Variants in MAGI2 observed in about 807,000 individuals in gnomAD.
The protein encoded by MAGI2 is membrane-associated guanylate kinase, WW and PDZ domain-containing protein 2.
Under a neutral mutation model 133.3 loss-of-function variants are expected in MAGI2, and 35 were observed. That is an observed-to-expected ratio of 0.26 (90% CI 0.20 to 0.35). MAGI2 has a LOEUF of 0.35. Ranked by LOEUF, MAGI2 falls within the 10% of genes least tolerant of loss-of-function variation. The pLI, the probability that MAGI2 is intolerant of heterozygous loss-of-function variation, is 1.00. For missense variants in MAGI2, 1,636 were observed against 1,863.4 expected, an observed-to-expected ratio of 0.88 and a Z score of 2.25; for synonymous variants, 729 against 710.6, an observed-to-expected ratio of 1.03 and a Z score of -0.41.
chr7:78,601,757 T>A (rs926444965), intron 3 of MAGI2, among the ~76,000 whole-genome samples: 1 of 152,204 alleles, frequency 6.6e-6, no homozygotes, highest in Non-Finnish European at 1.5e-5. Flanking sequence ...ATGTAACTTA[T>A]GAGACATAGT....
At chr7:78,872,489 A>G (rs73143059) in intron 2 of MAGI2, among the ~76,000 whole-genome samples, 9,565 of 152,226 alleles carry the variant, frequency 0.063, 370 homozygotes, top group Middle Eastern at 0.1. Flanking sequence ...GTTAGTAATT[A>G]AAACATTCTT....
intron 16 of MAGI2, among the ~76,000 whole-genome samples, chr7:78,142,406 G>C (rs1366993630): frequency 6.6e-6 from 1 of 152,036 alleles, no homozygotes; most frequent in African/African-American, 2.4e-5. Flanking sequence ...GTGGGTGGTA[G>C]GAAAGGAGCC....
At chr7:79,030,777 G>A (rs542270737) in intron 1 of MAGI2, among the ~76,000 whole-genome samples, 1 of 152,158 alleles carries the variant, frequency 6.6e-6, no homozygotes, top group Non-Finnish European at 1.5e-5. Flanking sequence ...ATTATTCTTG[G>A]GATTAGAGTT....
At chr7:78,568,930 T>C (rs1801219956) in intron 3 of MAGI2, among the ~76,000 whole-genome samples, 1 of 152,198 alleles carries the variant, frequency 6.6e-6, no homozygotes, top group South Asian at 2.1e-4. Flanking sequence ...TGCTATTCCT[T>C]GACCGTTCTG....
intron 2 of MAGI2, among the ~76,000 whole-genome samples, chr7:78,978,989 G>A (rs150323236): frequency 6.6e-6 from 1 of 151,970 alleles, no homozygotes; most frequent in East Asian, 1.9e-4. Flanking sequence ...TAACAGCAGA[G>A]ATAAGCAAGA....
chr7:78,162,534 A>C (rs1825159771), intron 15 of MAGI2, among the ~76,000 whole-genome samples: 1 of 123,046 alleles, frequency 8.1e-6, no homozygotes, highest in Non-Finnish European at 1.8e-5. Context: ...CAAAAAAAAA[A>C]AACAAAAAAC....
At chr7:78,458,021 G>C (rs557869430) in intron 6 of MAGI2, among the ~76,000 whole-genome samples, 1 of 152,050 alleles carries the variant, frequency 6.6e-6, no homozygotes, top group Non-Finnish European at 1.5e-5. Flanking sequence ...GAGTAGGCTG[G>C]GCGTGGTGGC....
chr7:79,338,695 C>T (rs941123188), intron 1 of MAGI2, among the ~76,000 whole-genome samples: 1 of 152,036 alleles, frequency 6.6e-6, no homozygotes, highest in Admixed American at 6.6e-5. Flanking sequence ...GTGTCTAGGA[C>T]CCCTAAATAT....
chr7:78,606,944 C>T (rs975075857), intron 3 of MAGI2, among the ~76,000 whole-genome samples: 1 of 152,168 alleles, frequency 6.6e-6, no homozygotes, highest in Non-Finnish European at 1.5e-5. Flanking sequence ...TTCCTTTCTC[C>T]ATTCTTTATA....
intron 1 of MAGI2, among the ~76,000 whole-genome samples, chr7:79,280,585 A>G (rs1037573363): frequency 2.6e-5 from 4 of 152,134 alleles, no homozygotes; most frequent in African/African-American, 9.7e-5. Context: ...AAATTTATTT[A>G]ACACAAACTG....
At chr7:78,564,383 A>G (rs1175369581) in intron 3 of MAGI2, among the ~76,000 whole-genome samples, 1 of 152,228 alleles carries the variant, frequency 6.6e-6, no homozygotes, top group Admixed American at 6.5e-5. Flanking sequence ...TTTCATAACC[A>G]CTAAATACTT....
At chr7:78,891,747 C>G (rs1796769882) in intron 2 of MAGI2, among the ~76,000 whole-genome samples, 1 of 152,148 alleles carries the variant, frequency 6.6e-6, no homozygotes, top group Non-Finnish European at 1.5e-5. Flanking sequence ...TAAGAGCTAT[C>G]TATGACAAAC....
At chr7:78,400,926 C>T (rs1408191540) in intron 6 of MAGI2, among the ~76,000 whole-genome samples, 5 of 152,050 alleles carry the variant, frequency 3.3e-5, no homozygotes, top group East Asian at 1.9e-4. Flanking sequence ...TTATCTTTCT[C>T]GCTGTCATAG....
At chr7:78,217,538 A>G in intron 10 of MAGI2, among the ~76,000 whole-genome samples, 1 of 152,180 alleles carries the variant, frequency 6.6e-6, no homozygotes, top group Non-Finnish European at 1.5e-5. Flanking sequence ...CACATTCTTT[A>G]TGAAATCTGT....
chr7:78,430,662 A>T (rs1202140562), intron 6 of MAGI2, among the ~76,000 whole-genome samples: 1 of 152,066 alleles, frequency 6.6e-6, no homozygotes, highest in Non-Finnish European at 1.5e-5. Flanking sequence ...AAGTGGACAA[A>T]AGGGAAACTT....
At chr7:79,112,708 G>T (rs530730557) in intron 1 of MAGI2, among the ~76,000 whole-genome samples, 8 of 151,322 alleles carry the variant, frequency 5.3e-5, no homozygotes, top group Non-Finnish European at 1.2e-4. Context: ...CATTTTTTTT[G>T]TACTTGTCAG....
At chr7:78,096,569 T>C (rs1165400770) in intron 20 of MAGI2, among the ~76,000 whole-genome samples, 1 of 152,242 alleles carries the variant, frequency 6.6e-6, no homozygotes, top group Non-Finnish European at 1.5e-5. Flanking sequence ...AATGTATGCA[T>C]CTCTGAGTTT....
chr7:78,644,653 A>T (rs1259959531), intron 2 of MAGI2, among the ~76,000 whole-genome samples: 1 of 152,186 alleles, frequency 6.6e-6, no homozygotes, highest in Non-Finnish European at 1.5e-5. Context: ...TAAAGCAAGA[A>T]TTCAAGAGAA....
chr7:78,449,113 G>C (rs994714314), intron 6 of MAGI2, among the ~76,000 whole-genome samples: 6 of 151,930 alleles, frequency 3.9e-5, no homozygotes, highest in Non-Finnish European at 8.8e-5. Flanking sequence ...TGCTGCCCTG[G>C]TGCCCCTTTC....
Sources: allele counts gnomAD v4.1 joint callset (sites outside exome capture counted in the v4.1 genomes callset), GRCh38; gene constraint gnomAD v4.1.1; transcripts MANE v1.5; gene names NCBI Gene and HGNC (gene_info 2026-07-23, HGNC 2026-07-21).